RPL26L1: variants seen among roughly 807,000 people sequenced by gnomAD.
RPL26L1 encodes ribosomal protein L26 like 1.
RPL26L1 carries 8 observed loss-of-function variants against 15.2 expected under a neutral mutation model. The ratio of observed to expected loss-of-function variants is 0.53; its 90% CI spans 0.31 to 0.95. The LOEUF is 0.95. RPL26L1 is among the 40% of genes least tolerant of loss of function. RPL26L1 has a pLI of 0.05. For missense variants in RPL26L1, 146 were observed against 190.9 expected, an observed-to-expected ratio of 0.76 and a Z score of 1.39; for synonymous variants, 51 against 65.9, an observed-to-expected ratio of 0.77 and a Z score of 1.09.
upstream of RPL26L1, among the ~76,000 whole-genome samples, chr5:172,956,730 G>A (rs1754987648): frequency 6.6e-6 from 1 of 152,104 alleles, no homozygotes; most frequent in African/African-American, 2.4e-5. Context: ...TTGAGGTCAT[G>A]AGTTCAAGAC....
chr5:172,956,324 T>G (rs1754973610), upstream of RPL26L1, among the ~76,000 whole-genome samples: 1 of 152,198 alleles, frequency 6.6e-6, no homozygotes, highest in African/African-American at 2.4e-5. Flanking sequence ...CTTCCTAGAT[T>G]AATAAATACG....
upstream of RPL26L1, chr5:172,958,264 C>CAA (rs5873347): frequency 0.077 from 21,736 of 283,190 alleles, 433 homozygotes; most frequent in African/African-American, 0.15. Context: ...AACTCTATCT[C>CAA]AAAAAAAAAA....
intron 3 of RPL26L1, among the ~76,000 whole-genome samples, chr5:172,968,864 G>A (rs1755577629): frequency 7.6e-6 from 1 of 132,266 alleles, no homozygotes; most frequent in African/African-American, 3.0e-5. Flanking sequence ...CTGGAGTGCT[G>A]TGGTGCGATC....
chr5:172,965,512 T>G (rs1489165065), intron 2 of RPL26L1, among the ~76,000 whole-genome samples: 2 of 152,222 alleles, frequency 1.3e-5, no homozygotes, highest in African/African-American at 4.8e-5. Flanking sequence ...ATCACTTTAC[T>G]GTTAATGGCC....
chr5:172,966,503 C>T (rs1222761607), intron 2 of RPL26L1, among the ~76,000 whole-genome samples: 1 of 151,980 alleles, frequency 6.6e-6, no homozygotes, highest in Non-Finnish European at 1.5e-5. Context: ...GTGGCTCACA[C>T]ATGTAATCCC....
rs777483649 is a variant in RPL26L1, at chr5:172,968,493, G to T, written c.203G>T (p.Gly68Val). The T allele has an allele frequency of 6.2e-7, 1 of 1,614,032 alleles. No homozygotes were observed. The highest frequency in any genetic ancestry group is 1.7e-5 in the Admixed American group (1 of 59,992). Residue 68 changes from glycine (G) to valine (V), a missense_variant, in exon 3 of 4, where the codon GGC becomes GTC. Physicochemically the swap from Gly to Val is moderately radical, Grantham distance 109 (BLOSUM62 -3). Coordinates refer to ENST00000265100, the MANE Select transcript of RPL26L1 (RefSeq NM_016093.4). ...VRGHYKGQQIGKVVQVYRKKY... is the reference protein window; with the variant it reads ...VRGHYKGQQIVKVVQVYRKKY... ...GGACACTACAAAGGTCAGCAAATTG[G>T]CAAGGTAGTCCAGGTGTACAGAAAG...
Position 172,969,707 on chromosome 5 carries a change from G to T in RPL26L1, c.*166G>T. The stretch of plus-strand genomic sequence containing the variant: ...AGTAATAATTTTATGAATAAAAATG[G>T]GAAATGCTTCCTAATTCCACATAGT... On this transcript the variant is annotated 3_prime_UTR_variant, in exon 4 of 4. Coordinates refer to ENST00000265100, the MANE Select transcript of RPL26L1 (RefSeq NM_016093.4). 1 of 586,144 alleles carries T rather than the reference G, an allele frequency of 1.7e-6. No individual in the cohort carries two copies. The highest frequency in any genetic ancestry group is 2.9e-6 in the Non-Finnish European group (1 of 348,552). 36.3% of individuals were successfully genotyped at this position (586,144 alleles called of 1,614,324 possible).
intron 2 of RPL26L1, among the ~76,000 whole-genome samples, chr5:172,966,153 T>C (rs959356543): frequency 1.3e-5 from 2 of 151,856 alleles, no homozygotes; most frequent in Admixed American, 1.3e-4. Flanking sequence ...TTTTATTTTA[T>C]TTTATTTTGA....
At chr5:172,966,039 A>T (rs1356804083) in intron 2 of RPL26L1, among the ~76,000 whole-genome samples, 2 of 152,114 alleles carry the variant, frequency 1.3e-5, no homozygotes, top group Admixed American at 1.3e-4. Flanking sequence ...TCACCTCTCC[A>T]GTCTAGTCGA....
intron 2 of RPL26L1, 59 bp downstream of exon 2, chr5:172,960,100 T>C: frequency 1.3e-6 from 2 of 1,595,868 alleles, no homozygotes; most frequent in South Asian, 1.1e-5. Flanking sequence ...ACGTCATGCG[T>C]GGAGCAGTCA....
chr5:172,968,696 G>A, intron 3 of RPL26L1, 97 bp downstream of exon 3: 9 of 1,423,966 alleles, frequency 6.3e-6, no homozygotes, highest in Non-Finnish European at 8.7e-6. Flanking sequence ...GTTGGCTGAG[G>A]CAGGCCAGGT....
intron 2 of RPL26L1, among the ~76,000 whole-genome samples, chr5:172,963,625 C>G (rs1304259725): frequency 2.6e-5 from 4 of 152,318 alleles, no homozygotes; most frequent in African/African-American, 7.2e-5. Flanking sequence ...AATGTCCGTT[C>G]CTCAGAGAAG....
At chr5:172,954,741 C>T (rs919122541), upstream of RPL26L1, 2 of 359,546 alleles carry the variant, frequency 5.6e-6, no homozygotes, top group South Asian at 4.2e-5. Context: ...GAGCCTTAGC[C>T]CAGGGTCATT....
rs917255703 is a variant in RPL26L1 at position 172,969,760 on chromosome 5, A to G, written c.*219A>G. 1 of 393,536 alleles carries G rather than the reference A, an allele frequency of 2.5e-6. No homozygotes were observed. The highest frequency in any genetic ancestry group is 2.1e-5 in the African/African-American group (1 of 48,484). 24.4% of individuals were successfully genotyped at this position (393,536 alleles called of 1,614,324 possible). A position where few individuals can be genotyped will look rare whatever the true frequency, so the allele number is the denominator to read the frequency against. On this transcript the variant is annotated 3_prime_UTR_variant, in exon 4 of 4. Transcript: ENST00000265100. The stretch of plus-strand genomic sequence containing the variant: ...TTGCATTGTTTTATAAATAAATTCC[A>G]CTTACTATCAATTCCCCTTTGCCAG...
upstream of RPL26L1, chr5:172,959,309 C>G: frequency 1.0e-6 from 1 of 964,626 alleles, no homozygotes; most frequent in Non-Finnish European, 1.2e-6. Flanking sequence ...CCTCCCGGGG[C>G]CGCCAGGAAT....
upstream of RPL26L1, chr5:172,958,164 T>G (rs775054912): frequency 2.3e-5 from 8 of 345,890 alleles, no homozygotes; most frequent in South Asian, 1.8e-4. Context: ...CTGGGGAGGC[T>G]GAGGCAGGAG....
intron 3 of RPL26L1, 21 bp downstream of exon 3, chr5:172,968,620 G>A (rs935214644): frequency 6.2e-6 from 10 of 1,613,496 alleles, no homozygotes; most frequent in African/African-American, 1.3e-5. Context: ...GGACTGAGTG[G>A]CAGTAGCAGC....
At chr5:172,959,233 AAAG>A (rs1581602903), upstream of RPL26L1, 8 of 298,918 alleles carry the variant, frequency 2.7e-5, no homozygotes, top group Non-Finnish European at 4.0e-5. Flanking sequence ...AAAAAAAAAA[AAAG>A]AACACCAGTA....
At chr5:172,964,910 G>C (rs909058605) in intron 2 of RPL26L1, among the ~76,000 whole-genome samples, 1 of 152,172 alleles carries the variant, frequency 6.6e-6, no homozygotes, top group Admixed American at 6.5e-5. Flanking sequence ...CAGGCCTGGT[G>C]CAGTGGCTCA....
Sources: gnomAD v4.1 joint callset for allele counts (sites outside exome capture counted in the v4.1 genomes callset) on GRCh38, gnomAD v4.1.1 for gene constraint, MANE v1.5 for transcripts, NCBI Gene and HGNC (gene_info 2026-07-23, HGNC 2026-07-21) for gene names.